Variants in RAI1 observed in about 807,000 individuals in gnomAD.
The protein encoded by RAI1 is retinoic acid-induced protein 1.
In RAI1, 9 loss-of-function variants were observed where a neutral mutation model predicts 123.8. That is an observed-to-expected ratio of 0.07 (90% confidence interval 0.04 to 0.13). The LOEUF is 0.13. Ranked by LOEUF, RAI1 falls within the 10% of genes least tolerant of loss-of-function variation. The probability of loss-of-function intolerance (pLI) is 1.00; values close to 1 mark genes in which losing one functional copy is unlikely to be tolerated. For missense variants in RAI1, 2,256 were observed against 2,545.8 expected (o/e 0.89, Z 2.45); for synonymous variants, 1,231 against 1,127.3 (o/e 1.09, Z -1.84).
At chr17:17,769,995 CG>C (rs570300238) in intron 2 of RAI1, among the ~76,000 whole-genome samples, 103 of 152,028 alleles carry the variant, frequency 6.8e-4, no homozygotes, top group African/African-American at 2.4e-3. Flanking sequence ...GGCGGGTGAG[CG>C]GGGGGGCCCT....
Position 17,798,173 on chromosome 17 carries a change from G to A in RAI1, c.5225G>A (p.Gly1742Asp), listed in dbSNP as rs558768145. ...ASLPLERTLK[G>D]PECAAAATAG... ...CTGCCGCTTGAGAGAACACTCAAAG[G>A]TCCCGAGTGTGCAGCTGCCGCCACT... The change falls in exon 3 of 6, where the codon GGT (glycine) becomes GAT (aspartate). Residue 1742 changes from glycine to aspartate, a missense_variant. Transcript: ENST00000353383. 3 of 1,612,966 alleles carry A rather than the reference G, an allele frequency of 1.9e-6. No homozygotes were observed. Among genetic ancestry groups the A allele is most frequent in the Non-Finnish European group, 2.5e-6 (3 of 1,179,952 alleles).
At chr17:17,744,511 G>A (rs910783702) in intron 2 of RAI1, among the ~76,000 whole-genome samples, 5 of 152,300 alleles carry the variant, frequency 3.3e-5, no homozygotes, top group East Asian at 1.9e-4. Context: ...AGGGAAGGCC[G>A]GGCACGGTGG....
At chr17:17,750,096 A>G (rs2030094879) in intron 2 of RAI1, among the ~76,000 whole-genome samples, 1 of 152,242 alleles carries the variant, frequency 6.6e-6, no homozygotes, top group South Asian at 2.1e-4. Flanking sequence ...GGAAGGAGAT[A>G]TCACTTGCAT....
intron 2 of RAI1, among the ~76,000 whole-genome samples, chr17:17,784,056 AAGCAGTTTG>A (rs2031729621): frequency 6.6e-6 from 1 of 152,012 alleles, no homozygotes; most frequent in Non-Finnish European, 1.5e-5. Context: ...AAATTATACC[AAGCAGTTTG>A]CGGTGTGGCA....
intron 1 of RAI1, among the ~76,000 whole-genome samples, chr17:17,722,714 C>G (rs139861652): frequency 2.6e-5 from 4 of 152,342 alleles, no homozygotes; most frequent in South Asian, 2.1e-4. Context: ...GCGTCTCCCC[C>G]AGCTGGGGAG....
intron 2 of RAI1, among the ~76,000 whole-genome samples, chr17:17,782,476 C>T (rs1381964610): frequency 1.3e-5 from 2 of 151,906 alleles, no homozygotes; most frequent in Admixed American, 1.3e-4. Flanking sequence ...GCCCGGGCCC[C>T]CTCTGCACCC....
chr17:17,708,747 A>G (rs1222244445), intron 1 of RAI1, among the ~76,000 whole-genome samples: 1 of 152,178 alleles, frequency 6.6e-6, no homozygotes, highest in East Asian at 1.9e-4. Context: ...GGGACAGAGC[A>G]ATGGTCCAGA....
intron 1 of RAI1, among the ~76,000 whole-genome samples, chr17:17,695,713 G>A (rs1016907155): frequency 1.1e-4 from 17 of 152,126 alleles, no homozygotes; most frequent in African/African-American, 4.1e-4. Flanking sequence ...GTAGAGACGA[G>A]GTTTCACCTC....
chr17:17,749,983 C>T (rs1034492364), intron 2 of RAI1, among the ~76,000 whole-genome samples: 10 of 152,220 alleles, frequency 6.6e-5, no homozygotes, highest in Admixed American at 3.3e-4. Context: ...TTTGTATTTC[C>T]GGAGGATGGT....
At chr17:17,778,748 G>A (rs1431359709) in intron 2 of RAI1, 9 of 456,590 alleles carry the variant, frequency 2.0e-5, no homozygotes, top group East Asian at 6.9e-5. Flanking sequence ...TGGAGAGCCC[G>A]CCAAGAGGGA....
rs1293015436 is a variant in RAI1, at chr17:17,810,716, T to A, written c.*735T>A. 2.3e-6 allele frequency: 1 copy of A among 426,806 alleles called. No individual in the cohort carries two copies. The highest frequency in any genetic ancestry group is 4.8e-6 in the Non-Finnish European group (1 of 207,144). The allele number at this position is 426,806 out of a possible 1,614,324, so 26.4% of individuals were successfully genotyped here. A position where few individuals can be genotyped will look rare whatever the true frequency, so the allele number is the denominator to read the frequency against. On this transcript the variant is annotated 3_prime_UTR_variant, in exon 6 of 6. Coordinates refer to ENST00000353383, the MANE Select transcript of RAI1 (RefSeq NM_030665.4). This position sits in a 1 kb window ranked among gnomAD's most constrained non-coding sequence, Gnocchi z 4.6. The stretch of plus-strand genomic sequence containing the variant: ...CGGGACTGGGACACCCTTTGGCCTC[T>A]GTTTGTCCCCTTTCCAGTCCTCCAC...
At chr17:17,757,859 A>G (rs1366496679) in intron 2 of RAI1, among the ~76,000 whole-genome samples, 1 of 152,180 alleles carries the variant, frequency 6.6e-6, no homozygotes. Flanking sequence ...CTCCCATGGA[A>G]CAGGGCAGTG....
intron 1 of RAI1, among the ~76,000 whole-genome samples, chr17:17,696,473 T>C (rs984966456): frequency 6.6e-6 from 1 of 152,258 alleles, no homozygotes; most frequent in Non-Finnish European, 1.5e-5. Flanking sequence ...TCATTACTTC[T>C]GTATATAGCA....
chr17:17,734,781 T>C (rs1384945259), intron 2 of RAI1, among the ~76,000 whole-genome samples: 1 of 152,226 alleles, frequency 6.6e-6, no homozygotes, highest in Non-Finnish European at 1.5e-5. Context: ...GGGGCACATA[T>C]CTGTGCTTGC....
intron 1 of RAI1, among the ~76,000 whole-genome samples, chr17:17,705,192 G>T (rs1044689676): frequency 2.6e-5 from 4 of 152,154 alleles, no homozygotes; most frequent in Non-Finnish European, 5.9e-5. Flanking sequence ...CCGGCCAGGG[G>T]TCCATCCAGG....
At chr17:17,783,025 C>A (rs983393567) in intron 2 of RAI1, among the ~76,000 whole-genome samples, 2 of 60 alleles carry the variant, frequency 0.033, no homozygotes, top group Admixed American at 0.33. Flanking sequence ...ACTCGGCTGA[C>A]TTCGAGGGCG....
chr17:17,766,228 T>A (rs976748094), intron 2 of RAI1: 2 of 152,190 alleles, frequency 1.3e-5, no homozygotes, highest in African/African-American at 4.8e-5. Flanking sequence ...CCAAGCCTCA[T>A]GTCTCTGAGA....
chr17:17,723,789 C>T (rs1281403063), intron 1 of RAI1, among the ~76,000 whole-genome samples: 1 of 150,328 alleles, frequency 6.7e-6, no homozygotes, highest in Non-Finnish European at 1.5e-5. Context: ...CGCCCCGCGC[C>T]AGCATCGCGC....
At chr17:17,688,001 G>A (rs961601509) in intron 1 of RAI1, among the ~76,000 whole-genome samples, 1 of 144,670 alleles carries the variant, frequency 6.9e-6, no homozygotes, top group African/African-American at 2.6e-5. Context: ...CTGCACTCCA[G>A]CCTGGGTGAA....
Sources: gnomAD v4.1 joint callset for allele counts (sites outside exome capture counted in the v4.1 genomes callset) on GRCh38, gnomAD v4.1.1 for gene constraint, Gnocchi (gnomAD v3.1) non-coding constraint, MANE v1.5 for transcripts, NCBI Gene and HGNC (gene_info 2026-07-23, HGNC 2026-07-21) for gene names.